Variants in MCTP2 observed in about 807,000 individuals in gnomAD.
MCTP2 encodes the protein multiple C2 and transmembrane domain-containing protein 2.
MCTP2 carries 132 observed loss-of-function variants against 111.6 expected under a neutral mutation model. The observed-to-expected ratio is 1.18, with a 90% CI of 1.03 to 1.37. The LOEUF (loss-of-function observed/expected upper bound fraction) is 1.37, where lower values mean the gene tolerates loss of function less well. MCTP2 is among the 40% of genes most tolerant of loss of function. MCTP2 has a pLI of 0.00. For synonymous variants in MCTP2, 395 were observed against 387.7 expected (o/e 1.02, Z -0.22); for missense variants, 1,183 against 1,067.9 (o/e 1.11, Z -1.50).
At chr15:94,243,917 ATATT>A (rs1267235954) in intron 1 of MCTP2, among the ~76,000 whole-genome samples, 7 of 116,980 alleles carry the variant, frequency 6.0e-5, no homozygotes, top group East Asian at 4.4e-4. Context: ...ATATGTGTAT[ATATT>A]TACACATATG....
chr15:94,255,031 G>C (rs898926152), intron 1 of MCTP2, among the ~76,000 whole-genome samples: 1 of 152,164 alleles, frequency 6.6e-6, no homozygotes, highest in African/African-American at 2.4e-5. Context: ...GGGATTTATG[G>C]AGACACAATT....
At chr15:94,425,875 C>A (rs529676280) in intron 17 of MCTP2, among the ~76,000 whole-genome samples, 2 of 152,216 alleles carry the variant, frequency 1.3e-5, no homozygotes, top group Non-Finnish European at 2.9e-5. Flanking sequence ...AATTTAATAT[C>A]ATCCCAGAAA....
chr15:94,411,284 C>CT (rs111921100), intron 17 of MCTP2, among the ~76,000 whole-genome samples: 1,678 of 139,170 alleles, frequency 0.012, 5 homozygotes, highest in African/African-American at 0.029. Context: ...TTTGATATTG[C>CT]TTTTTTTTTT....
chr15:94,245,614 G>A (rs982039797), intron 1 of MCTP2, among the ~76,000 whole-genome samples: 2 of 141,780 alleles, frequency 1.4e-5, no homozygotes, highest in African/African-American at 5.2e-5. Context: ...ATATACATAT[G>A]TACATGTATA....
At chr15:94,451,053 ATTT>A (rs2084417176) in intron 19 of MCTP2, among the ~76,000 whole-genome samples, 1 of 152,202 alleles carries the variant, frequency 6.6e-6, no homozygotes, top group African/African-American at 2.4e-5. Flanking sequence ...ATTTGCCCTG[ATTT>A]TTAAAATTTT....
intron 19 of MCTP2, among the ~76,000 whole-genome samples, chr15:94,446,059 G>A (rs141426586): frequency 6.6e-6 from 1 of 152,360 alleles, no homozygotes; most frequent in African/African-American, 2.4e-5. Context: ...AACAGGGATT[G>A]TTGTAAAATG....
chr15:94,325,639 ACT>A (rs2076828212), intron 4 of MCTP2, among the ~76,000 whole-genome samples: 1 of 150,288 alleles, frequency 6.7e-6, no homozygotes, highest in Non-Finnish European at 1.5e-5. Context: ...GAAATGAGAG[ACT>A]CTTTTAAAAG....
Position 94,339,428 on chromosome 15 carries a change from TG to T in MCTP2, c.777del (p.Lys260ArgfsTer7). 6.3e-7 allele frequency: 1 copy of T among 1,594,542 alleles called. No individual in the cohort carries two copies. The highest frequency in any genetic ancestry group is 1.1e-5 in the South Asian group (1 of 88,162). On this transcript the variant is annotated frameshift_variant, in exon 5 of 23. Coordinates refer to ENST00000357742, the MANE Select transcript of MCTP2 (RefSeq NM_001385001.1). LOFTEE classifies it high-confidence loss of function. ...CAAAGCCTTGATCAAAAGCTACGTG[TG>T]AAGGTAATCACAGATAGCTTTCAAA... Reference protein sequence around the residue: ...PIQSLDQKLRVKVYDRDLTTS... With the variant: ...PIQSLDQKLRXKVYDRDLTTS...
At chr15:94,300,778 G>A (rs1333230309) in intron 2 of MCTP2, among the ~76,000 whole-genome samples, 1 of 152,150 alleles carries the variant, frequency 6.6e-6, no homozygotes. Context: ...ATGAGGGCAT[G>A]TTATCTGTGA....
intron 8 of MCTP2, among the ~76,000 whole-genome samples, chr15:94,347,379 A>G (rs1005790682): frequency 6.6e-6 from 1 of 152,232 alleles, no homozygotes; most frequent in Non-Finnish European, 1.5e-5. Context: ...ACTAGTCCTA[A>G]GGAATGTATT....
intron 14 of MCTP2, among the ~76,000 whole-genome samples, chr15:94,395,547 GT>G (rs894601346): frequency 5.9e-5 from 9 of 152,128 alleles, no homozygotes; most frequent in African/African-American, 1.9e-4. Flanking sequence ...AAGATGAGAA[GT>G]TTTTTTCCTC....
intron 19 of MCTP2, among the ~76,000 whole-genome samples, chr15:94,448,998 C>A (rs1294401061): frequency 6.6e-6 from 1 of 152,104 alleles, no homozygotes; most frequent in Non-Finnish European, 1.5e-5. Flanking sequence ...CGAGATCGTG[C>A]CACTGAATTC....
At chr15:94,288,350 A>G (rs1459944016) in intron 1 of MCTP2, among the ~76,000 whole-genome samples, 1 of 152,202 alleles carries the variant, frequency 6.6e-6, no homozygotes, top group Non-Finnish European at 1.5e-5. Flanking sequence ...CTGAACATAC[A>G]TGGATCTGAT....
intron 1 of MCTP2, among the ~76,000 whole-genome samples, chr15:94,268,261 A>C (rs943010241): frequency 1.3e-5 from 2 of 148,162 alleles, no homozygotes; most frequent in African/African-American, 5.0e-5. Flanking sequence ...GGCCACTGCA[A>C]CCTCCGCCTC....
chr15:94,242,210 A>C (rs758241263), intron 1 of MCTP2, among the ~76,000 whole-genome samples: 3 of 152,134 alleles, frequency 2.0e-5, no homozygotes, highest in Non-Finnish European at 2.9e-5. Flanking sequence ...GACAAACCCC[A>C]GCTCAACTAT....
At chr15:94,358,004 A>G (rs16949009) in intron 9 of MCTP2, among the ~76,000 whole-genome samples, 15,332 of 152,252 alleles carry the variant, frequency 0.1, 1,258 homozygotes, top group African/African-American at 0.22. Flanking sequence ...GTAGCAATAT[A>G]CAAGTCGTGG....
At chr15:94,313,117 C>T (rs1002528381) in intron 2 of MCTP2, among the ~76,000 whole-genome samples, 2 of 152,110 alleles carry the variant, frequency 1.3e-5, no homozygotes, top group East Asian at 1.9e-4. Flanking sequence ...GGGGAAATTC[C>T]GTGGTTTTCA....
chr15:94,410,201 A>AACAC (rs950873902), intron 17 of MCTP2, among the ~76,000 whole-genome samples: 1 of 151,900 alleles, frequency 6.6e-6, no homozygotes, highest in East Asian at 1.9e-4. Context: ...GCCTCGCTAA[A>AACAC]ACACACACAC....
chr15:94,260,771 C>G (rs528282739), intron 1 of MCTP2, among the ~76,000 whole-genome samples: 36 of 152,228 alleles, frequency 2.4e-4, no homozygotes, highest in African/African-American at 8.4e-4. Flanking sequence ...TGAATGAACC[C>G]CTCTTCTCAG....
Sources: gnomAD v4.1 joint callset for allele counts (sites outside exome capture counted in the v4.1 genomes callset) on GRCh38, gnomAD v4.1.1 for gene constraint, MANE v1.5 for transcripts, NCBI Gene and HGNC (gene_info 2026-07-23, HGNC 2026-07-21) for gene names.